Variants in DACT2 observed in about 807,000 individuals in gnomAD.
The protein encoded by DACT2 is dapper homolog 2.
DACT2 carries 20 observed loss-of-function variants against 22.2 expected under a neutral mutation model. The ratio of observed to expected loss-of-function variants is 0.90; its 90% confidence interval spans 0.63 to 1.31. The LOEUF (loss-of-function observed/expected upper bound fraction) is 1.31. Among genes scored for constraint, DACT2 ranks in the 50% most tolerant of loss-of-function variants. DACT2 has a pLI of 0.00. For synonymous variants in DACT2, 463 were observed against 479.8 expected, an observed-to-expected ratio of 0.96 and a Z score of 0.46; for missense variants, 1,048 against 1,061.4, an observed-to-expected ratio of 0.99 and a Z score of 0.18.
At chr6:168,303,638 T>G (rs1281740713), downstream of DACT2, among the ~76,000 whole-genome samples, 2 of 152,204 alleles carry the variant, frequency 1.3e-5, no homozygotes, top group Non-Finnish European at 2.9e-5. Flanking sequence ...GCCTTTTTTC[T>G]TTTTCAATTA....
In DACT2 at chr6:168,310,511, C is replaced by T. The variant is rs557720837; in HGVS notation, c.380-65G>A. 54 of 1,515,168 alleles carry T rather than the reference C, an allele frequency of 3.6e-5. 2 individuals carry two copies. The South Asian group carries it at 4.0e-4, about 11-fold the overall frequency. 93.9% of individuals were successfully genotyped at this position (1,515,168 alleles called of 1,614,324 possible). A position where few individuals can be genotyped will look rare whatever the true frequency, so the allele number is the denominator to read the frequency against. On this transcript the variant is annotated intron_variant, in intron 2 of 3. Transcript: ENST00000366795. ...AGAAAAGCCCAGGGCCCCCTCTCCT[C>T]CTGAGCTTGTCACGGCACAGGTGGG...
chr6:168,294,172 C>T (rs749511380), exon 5 of DACT2: 8 of 702,884 alleles, frequency 1.1e-5, no homozygotes, highest in Non-Finnish European at 5.2e-6. Context: ...AGAGGCCACA[C>T]TTTCCTCTCA....
intron 4 of DACT2, chr6:168,294,577 G>GTGTATATATATATATA (rs1177617130): frequency 6.9e-4 from 86 of 124,448 alleles, no homozygotes; most frequent in African/African-American, 3.0e-3. Flanking sequence ...GTGTGTGTGT[G>GTGTATATATATATATA]TATATATATA....
rs1237552448 is a variant in DACT2 at position 168,308,394 on chromosome 6, A to G, written c.1363T>C (p.Tyr455His). Residue 455 changes from tyrosine (Y) to histidine (H), a missense_variant, in exon 4 of 4, where the codon TAT becomes CAT. By Grantham distance (83) the Tyr-to-His change is moderately conservative. Transcript: ENST00000366795. ...GGGGATATGATGTTGCCTCGTCCAT[A>G]GTCCTGAGCTGAGGGTGTCTGCTGG... ...KAQQTPSAQD[Y>H]GRGNIISPSR... 9.7e-6 allele frequency: 15 copies of G among 1,551,660 alleles called. No individual in the cohort carries two copies. Among genetic ancestry groups the G allele is most frequent in the Non-Finnish European group, 1.2e-5 (14 of 1,146,996 alleles).
At chr6:168,295,156 C>T (rs1305460741) in intron 3 of DACT2, among the ~76,000 whole-genome samples, 1 of 152,192 alleles carries the variant, frequency 6.6e-6, no homozygotes, top group African/African-American at 2.4e-5. Context: ...GGCCCTCACC[C>T]CGACAGGATC....
At chr6:168,297,385 A>G (rs1779026021) in intron 3 of DACT2, among the ~76,000 whole-genome samples, 1 of 152,130 alleles carries the variant, frequency 6.6e-6, no homozygotes. Flanking sequence ...TCCTCATGAG[A>G]GGAAGAGGGA....
Position 168,307,444 on chromosome 6 carries a change from C to A in DACT2, c.2313G>T (p.Met771Ile). The A allele has an allele frequency of 1.3e-6, 2 of 1,551,634 alleles. No individual in the cohort carries two copies. Among genetic ancestry groups the A allele is most frequent in the South Asian group, 2.4e-5 (2 of 84,018 alleles). Residue 771 changes from methionine (M) to isoleucine (I), a missense_variant, in exon 4 of 4, where the codon ATG (methionine) becomes ATT (isoleucine). Physicochemically the swap from Met to Ile is conservative, Grantham distance 10. Coordinates refer to ENST00000366795, the MANE Select transcript of DACT2 (RefSeq NM_214462.5). This position sits in a 1 kb window ranked among gnomAD's most constrained non-coding sequence, Gnocchi z 5.3. The stretch of plus-strand genomic sequence containing the variant: ...CAGTCACTGCACCTCACACCATGGT[C>A]ATGACCTTCAGGGCCGTCGGCTGGA... ...RRFQPTALKV[M>I]TMV
Position 168,307,288 on chromosome 6 carries a change from C to A in DACT2, c.*144G>T. The A allele has an allele frequency of 6.8e-7, 1 of 1,464,350 alleles. No homozygotes were observed. Among genetic ancestry groups the A allele is most frequent in the Non-Finnish European group, 9.0e-7 (1 of 1,110,208 alleles). 90.7% of individuals were successfully genotyped at this position (1,464,350 alleles called of 1,614,324 possible). A position where few individuals can be genotyped will look rare whatever the true frequency, so the allele number is the denominator to read the frequency against. ...ACGGCCATACTCCACAGGGCAGAAC[C>A]CATCTGCGGGGACTCCTGTTAAACG... On this transcript the variant is annotated 3_prime_UTR_variant, in exon 4 of 4. Coordinates refer to ENST00000366795, the MANE Select transcript of DACT2 (RefSeq NM_214462.5). The surrounding 1 kb of genome is among the most constrained non-coding windows in gnomAD (Gnocchi z 5.3).
Position 168,308,210 on chromosome 6 carries a change from A to T in DACT2, c.1547T>A (p.Leu516His). ...GGCTCCCTCAGGCCTGTCCAGTAGAAGCAGCGGCTGCCTTGCAAACCTCAG... is the reference window on the plus strand; with the variant it reads ...GGCTCCCTCAGGCCTGTCCAGTAGATGCAGCGGCTGCCTTGCAAACCTCAG... ...KVLRFARQPLLLLDRPEGAHA... is the reference protein window; with the variant it reads ...KVLRFARQPLHLLDRPEGAHA... The change falls in exon 4 of 4, where the codon CTT becomes CAT. Residue 516 changes from leucine (L) to histidine (H), a missense_variant. Leu to His is a moderately conservative substitution (Grantham distance 99). Transcript: ENST00000366795. 1 of 1,551,814 alleles carries T rather than the reference A, an allele frequency of 6.4e-7. No individual in the cohort carries two copies. The highest frequency in any genetic ancestry group is 1.7e-4 in the Middle Eastern group (1 of 5,994).
rs374905912 is a variant in DACT2 at position 168,319,048 on chromosome 6, G to C, written c.246+340C>G. On this transcript the variant is annotated intron_variant, in intron 1 of 3. Coordinates refer to ENST00000366795, the MANE Select transcript of DACT2 (RefSeq NM_214462.5). The stretch of plus-strand genomic sequence containing the variant: ...AACGCCGGTCAGTGCCTGCAGGTCA[G>C]ATCAGTGCTGTAACCCTGTAACGAA... Among the ~76,000 whole-genome samples, 63 of 152,270 alleles carry C rather than the reference G, an allele frequency of 4.1e-4. 1 individual carries two copies. In the South Asian group the frequency reaches 0.013, roughly 31 times the overall value.
downstream of DACT2, among the ~76,000 whole-genome samples, chr6:168,304,823 G>T (rs1359685957): frequency 6.6e-6 from 1 of 152,248 alleles, no homozygotes; most frequent in African/African-American, 2.4e-5. Context: ...TCCTGTCCTG[G>T]GCTGCCTGGT....
Position 168,308,046 on chromosome 6 carries a change from C to A in DACT2, c.1711G>T (p.Val571Phe), listed in dbSNP as rs1209455924. The A allele has an allele frequency of 1.7e-5, 26 of 1,548,704 alleles. No homozygotes were observed. Reference sequence around the variant, plus strand: ...GGGGCCACTGCCAAGGGGACGAGGACAGGCATGGGGTAGAGGGTGGACTCA... The same window carrying A: ...GGGGCCACTGCCAAGGGGACGAGGAAAGGCATGGGGTAGAGGGTGGACTCA... Reference protein sequence around the residue: ...CSESTLYPMPVLVPLAVAPQE... With the variant: ...CSESTLYPMPFLVPLAVAPQE... The change falls in exon 4 of 4, where the codon GTC (valine) becomes TTC (phenylalanine). Residue 571 changes from valine to phenylalanine, a missense_variant. Physicochemically the swap from Val to Phe is conservative, Grantham distance 50 (BLOSUM62 -1). Coordinates refer to ENST00000366795, the MANE Select transcript of DACT2 (RefSeq NM_214462.5).
intron 1 of DACT2, 147 bp downstream of exon 1, chr6:168,319,241 G>A: frequency 1.3e-6 from 1 of 794,232 alleles, no homozygotes; most frequent in Non-Finnish European, 1.6e-6. Flanking sequence ...CCTCCTTGGA[G>A]ACCGAACTGC....
At chr6:168,294,539 A>G in intron 4 of DACT2, 1 of 783,804 alleles carries the variant, frequency 1.3e-6, no homozygotes, top group Non-Finnish European at 1.8e-6. Context: ...CTTAAAGTAT[A>G]ATAAAATATG....
downstream of DACT2, among the ~76,000 whole-genome samples, chr6:168,305,757 A>C (rs940851066): frequency 1.3e-5 from 2 of 152,214 alleles, no homozygotes; most frequent in African/African-American, 2.4e-5. Context: ...CATTTTTATA[A>C]AATACCCTGT....
chr6:168,293,995 C>T (rs1003245653), intron 5 of DACT2: 2 of 703,214 alleles, frequency 2.8e-6, no homozygotes, highest in Non-Finnish European at 5.2e-6. Context: ...AGAGGAGGTC[C>T]ATCCAACACG....
chr6:168,311,042 A>G, intron 2 of DACT2, 110 bp downstream of exon 2: 1 of 1,361,478 alleles, frequency 7.3e-7, no homozygotes, highest in Non-Finnish European at 9.6e-7. Context: ...CACGGACACT[A>G]GGATACCTGG....
downstream of DACT2, chr6:168,306,814 G>T: frequency 1.1e-6 from 1 of 910,292 alleles, no homozygotes; most frequent in South Asian, 5.1e-5. Flanking sequence ...TGCCTTCCCC[G>T]CCCAAAGCTG....
rs1779591430 is a variant in DACT2, at chr6:168,319,427, C to T, written c.207G>A (p.Gln69=). 1.7e-6 allele frequency: 2 copies of T among 1,204,968 alleles called. No homozygotes were observed. The highest frequency in any genetic ancestry group is 1.0e-6 in the Non-Finnish European group (1 of 971,044). 74.6% of individuals were successfully genotyped at this position (1,204,968 alleles called of 1,614,324 possible). ...CGPHGLHGPE[Q]QLEAALAALQ... is the part of the protein sequence containing the mutation. ...GCGCGGCCAGCGCCGCCTCCAGCTG[C>T]TGCTCGGGGCCGTGGAGGCCGTGGG... The change falls in exon 1 of 4, where the codon CAG becomes CAA. Residue 69 remains glutamine, a synonymous_variant. Transcript: ENST00000366795.
Sources: gnomAD v4.1 joint callset for allele counts (sites outside exome capture counted in the v4.1 genomes callset) on GRCh38, gnomAD v4.1.1 for gene constraint, Gnocchi (gnomAD v3.1) non-coding constraint, MANE v1.5 for transcripts, NCBI Gene and HGNC (gene_info 2026-07-23, HGNC 2026-07-21) for gene names.